OGDH: variants seen among roughly 807,000 people sequenced by gnomAD.
OGDH encodes the protein 2-oxoglutarate dehydrogenase complex component E1.
OGDH carries 38 observed loss-of-function variants against 116.6 expected under a neutral mutation model. The ratio of observed to expected loss-of-function variants is 0.33; its 90% CI spans 0.25 to 0.43. OGDH has a LOEUF of 0.43. Among genes scored for constraint, OGDH ranks in the 20% least tolerant of loss-of-function variants. OGDH has a pLI of 1.00. For synonymous variants in OGDH, 488 were observed against 533.3 expected, an observed-to-expected ratio of 0.92 and a Z score of 1.17; for missense variants, 825 against 1,357.2, an observed-to-expected ratio of 0.61 and a Z score of 6.16.
chr7:44,612,877 T>A (rs1784620112), intron 1 of OGDH, among the ~76,000 whole-genome samples: 1 of 149,966 alleles, frequency 6.7e-6, no homozygotes. Flanking sequence ...TTTCTTTTCT[T>A]TTCTTTTCTT....
chr7:44,671,546 G>A (rs552269002), intron 5 of OGDH, among the ~76,000 whole-genome samples: 4 of 151,612 alleles, frequency 2.6e-5, no homozygotes, highest in Admixed American at 6.6e-5. Flanking sequence ...GGCGGATCAC[G>A]AGGTCAGGAG....
chr7:44,691,981 T>TTA (rs1228471357), intron 10 of OGDH, among the ~76,000 whole-genome samples: 3 of 102,608 alleles, frequency 2.9e-5, no homozygotes, highest in African/African-American at 4.4e-5. Flanking sequence ...GACTCTGTCT[T>TTA]AAAAAAAAAA....
intron 1 of OGDH, among the ~76,000 whole-genome samples, chr7:44,612,338 C>G (rs757536481): frequency 6.6e-6 from 1 of 152,042 alleles, no homozygotes; most frequent in Non-Finnish European, 1.5e-5. Context: ...ATTGATTTCT[C>G]TCACTTCTTT....
intron 2 of OGDH, among the ~76,000 whole-genome samples, chr7:44,638,635 G>C (rs537504523): frequency 6.6e-6 from 1 of 152,290 alleles, no homozygotes; most frequent in African/African-American, 2.4e-5. Flanking sequence ...GGAAGAAAGG[G>C]AAAATGCAGC....
intron 12 of OGDH, 143 bp from the exon 13 acceptor site, chr7:44,695,882 A>G (rs1370935879): frequency 3.2e-6 from 2 of 618,748 alleles, no homozygotes; most frequent in Non-Finnish European, 3.0e-6. Flanking sequence ...GAAGTGTGGG[A>G]CTATGGGTGG....
intron 13 of OGDH, 142 bp from the exon 14 acceptor site, chr7:44,696,287 C>T: frequency 8.8e-7 from 1 of 1,140,560 alleles, no homozygotes. Flanking sequence ...GACCCAGACC[C>T]CTGCATTAAT....
At chr7:44,702,581 T>TTTTATTTATTTA (rs553174514) in intron 20 of OGDH, among the ~76,000 whole-genome samples, 3 of 151,578 alleles carry the variant, frequency 2.0e-5, no homozygotes, top group African/African-American at 7.3e-5. Flanking sequence ...TTATTTTTAA[T>TTTTATTTATTTA]TTTATTTATT....
intron 10 of OGDH, among the ~76,000 whole-genome samples, chr7:44,688,988 G>A (rs1585371903): frequency 6.6e-6 from 1 of 151,570 alleles, no homozygotes; most frequent in Admixed American, 6.6e-5. Flanking sequence ...GGCCTCAGGT[G>A]ATCTACCTGC....
chr7:44,701,030 CA>C (rs1335712462), intron 19 of OGDH, among the ~76,000 whole-genome samples: 1 of 151,594 alleles, frequency 6.6e-6, no homozygotes, highest in Non-Finnish European at 1.5e-5. Context: ...TCTCAAAAAA[CA>C]AAAAAAAGGA....
chr7:44,707,558 G>C lies in OGDH; in HGVS notation c.2797-24G>C. ...CCTGCCCTCTGAGTTTCCTCTTTTT[G>C]ATCTGACCCCTGCTGTCTCCTAGCT... On this transcript the variant is annotated intron_variant, in intron 21 of 22. Transcript: ENST00000222673. This position sits in a 1 kb window ranked among gnomAD's most constrained non-coding sequence, Gnocchi z 5.2. The C allele has an allele frequency of 6.2e-7, 1 of 1,611,784 alleles. No homozygotes were observed.
rs905501567 is a variant in OGDH, at chr7:44,707,805, C to T, written c.2951+69C>T. The T allele has an allele frequency of 1.2e-6, 2 of 1,609,756 alleles. No individual in the cohort carries two copies. Among genetic ancestry groups the T allele is most frequent in the Non-Finnish European group, 1.7e-6 (2 of 1,177,490 alleles). ...TCAGGCCAGTAGGCAGTTAGCCAGG[C>T]ACATGCAGCAGAGGGATGGGCTGGG... On this transcript the variant is annotated intron_variant, in intron 22 of 22. Coordinates refer to ENST00000222673, the MANE Select transcript of OGDH (RefSeq NM_002541.4). This position sits in a 1 kb window ranked among gnomAD's most constrained non-coding sequence, Gnocchi z 5.2.
At chr7:44,686,379 A>G (rs147141492) in intron 10 of OGDH, among the ~76,000 whole-genome samples, 27 of 152,316 alleles carry the variant, frequency 1.8e-4, no homozygotes, top group Admixed American at 1.8e-3. Context: ...TATTTTTGTC[A>G]GTGCTCTTCT....
chr7:44,669,405 G>A (rs1015715591), intron 5 of OGDH, among the ~76,000 whole-genome samples: 7 of 151,886 alleles, frequency 4.6e-5, no homozygotes, highest in Admixed American at 2.0e-4. Context: ...TCTTGCCTTC[G>A]TCTCCCAAAA....
intron 9 of OGDH, 60 bp downstream of exon 9, chr7:44,676,209 G>A (rs1787686564): frequency 6.2e-7 from 1 of 1,613,766 alleles, no homozygotes; most frequent in Non-Finnish European, 8.5e-7. Context: ...CCAGCATGGA[G>A]TTCCGCTCAC....
At chr7:44,645,640 A>G in intron 3 of OGDH, 122 bp downstream of exon 3, 1 of 896,790 alleles carries the variant, frequency 1.1e-6, no homozygotes, top group East Asian at 2.8e-5. Context: ...CTCAAATACT[A>G]GGTGCTTTCT....
At chr7:44,618,750 T>G (rs542104857) in intron 1 of OGDH, among the ~76,000 whole-genome samples, 8 of 152,260 alleles carry the variant, frequency 5.3e-5, no homozygotes, top group Admixed American at 3.9e-4. Flanking sequence ...AAAAATATAC[T>G]CTAATATTCC....
chr7:44,616,872 CGTATATATATAT>C (rs1784823459), intron 1 of OGDH, among the ~76,000 whole-genome samples: 1 of 76,794 alleles, frequency 1.3e-5, no homozygotes, highest in African/African-American at 5.6e-5. Context: ...TATATATATA[CGTATATATATAT>C]GTATATATGT....
chr7:44,650,784 T>A (rs929724675), intron 4 of OGDH, among the ~76,000 whole-genome samples: 6 of 152,116 alleles, frequency 3.9e-5, no homozygotes, highest in Non-Finnish European at 8.8e-5. Flanking sequence ...AATGAGGCAG[T>A]AGAAGGGGAT....
Position 44,629,928 on chromosome 7 carries a change from A to T in OGDH, c.222+5363A>T, listed in dbSNP as rs112232996. On this transcript the variant is annotated intron_variant, in intron 2 of 22. Coordinates refer to ENST00000222673, the MANE Select transcript of OGDH (RefSeq NM_002541.4). ...TTTCTTCTTGCACTTTTCACGTGTC[A>T]GCTCCTAAAGTGTGTACATGTGGTC... Among the ~76,000 whole-genome samples the T allele has an allele frequency of 1.6e-3, 246 of 152,196 alleles. 2 individuals carry two copies. Among genetic ancestry groups the T allele is most frequent in the African/African-American group, 5.4e-3 (226 of 41,532 alleles).
Sources: gnomAD v4.1 joint callset for allele counts (sites outside exome capture counted in the v4.1 genomes callset) on GRCh38, gnomAD v4.1.1 for gene constraint, Gnocchi (gnomAD v3.1) non-coding constraint, MANE v1.5 for transcripts, NCBI Gene and HGNC (gene_info 2026-07-23, HGNC 2026-07-21) for gene names.